EXD3: variants seen among roughly 807,000 people sequenced by gnomAD.
The protein encoded by EXD3 is exonuclease 3'-5' domain containing 3, also known as exonuclease mut-7 homolog.
In EXD3, 92 loss-of-function variants were observed where a neutral mutation model predicts 98.0. The observed-to-expected ratio is 0.94, with a 90% CI of 0.79 to 1.12. EXD3 has a LOEUF of 1.12. EXD3 is among the 50% of genes most tolerant of loss of function. The pLI is 0.00. For synonymous variants in EXD3, 569 were observed against 526.0 expected, an observed-to-expected ratio of 1.08 and a Z score of -1.12; for missense variants, 1,222 against 1,191.6, an observed-to-expected ratio of 1.03 and a Z score of -0.38.
At position 137,323,821 on chromosome 9, in the gene EXD3, C is replaced by T. The variant is rs781747646; in HGVS notation, c.2088G>A (p.Ser696=). The T allele has an allele frequency of 6.2e-6, 10 of 1,611,890 alleles. No homozygotes were observed. Among genetic ancestry groups the T allele is most frequent in the East Asian group, 2.2e-5 (1 of 44,886 alleles). ...GCTGGGCCTTCAGGGAGCAGTCGAC[C>T]GAGAGGCAGCGCCCAGCCCCGACCT... The part of the protein sequence containing the change: ...RAQVGAGRCL[S]VDCSLKAQQQ... The change falls in exon 19 of 22, where the codon TCG becomes TCA. Residue 696 remains serine, a synonymous_variant. Coordinates refer to ENST00000340951, the MANE Select transcript of EXD3 (RefSeq NM_017820.5).
intron 3 of EXD3, chr9:137,377,028 C>G (rs904509836): frequency 6.6e-6 from 1 of 151,952 alleles, no homozygotes; most frequent in Admixed American, 6.6e-5. Context: ...AAGCCAGCTA[C>G]GGAATAAAAA....
chr9:137,386,310 T>G (rs2131732076), intron 2 of EXD3, among the ~76,000 whole-genome samples: 2 of 152,160 alleles, frequency 1.3e-5, no homozygotes, highest in South Asian at 4.2e-4. Context: ...CATCCATCAA[T>G]AAGCAGGGTG....
rs1309095435 is a variant in EXD3, at chr9:137,368,282, G to T, written c.463-293C>A. Reference sequence around the variant, plus strand: ...CTGGCCACACAGCCTGGGTCCCAGGGCCTTGCTCGGGGATTGCTGATGAGC... The same window carrying T: ...CTGGCCACACAGCCTGGGTCCCAGGTCCTTGCTCGGGGATTGCTGATGAGC... On this transcript the variant is annotated intron_variant, in intron 5 of 21. Transcript: ENST00000340951. Among the ~76,000 whole-genome samples, 11 of 152,360 alleles carry T rather than the reference G, an allele frequency of 7.2e-5. No individual in the cohort carries two copies. In the East Asian group the frequency reaches 1.9e-3, roughly 27 times the overall value.
intron 7 of EXD3, chr9:137,366,194 GA>G (rs1246199321): frequency 4.7e-5 from 33 of 702,324 alleles, no homozygotes; most frequent in Non-Finnish European, 4.4e-5. Context: ...GGATGAACAA[GA>G]AAGCAGTACG....
intron 17 of EXD3, among the ~76,000 whole-genome samples, chr9:137,339,025 C>T (rs1255705668): frequency 3.3e-5 from 5 of 151,918 alleles, no homozygotes; most frequent in Admixed American, 2.0e-4. Context: ...GAGCGGACAC[C>T]GACAATCTAT....
intron 17 of EXD3, among the ~76,000 whole-genome samples, chr9:137,327,424 C>A (rs549168076): frequency 1.8e-4 from 27 of 152,224 alleles, no homozygotes; most frequent in African/African-American, 6.0e-4. Flanking sequence ...TGAGCCACCG[C>A]GCCCGGCCAG....
intron 1 of EXD3, among the ~76,000 whole-genome samples, chr9:137,421,913 G>A (rs1186867305): frequency 6.6e-6 from 1 of 152,068 alleles, no homozygotes; most frequent in Non-Finnish European, 1.5e-5. Flanking sequence ...CTCCCTAATG[G>A]AACAGGTTTG....
chr9:137,355,492 T>TGGAGGAAGGGAGGATGGAGGAA (rs1834622729), intron 8 of EXD3, among the ~76,000 whole-genome samples: 1 of 30,780 alleles, frequency 3.2e-5, no homozygotes, highest in Non-Finnish European at 6.7e-5. Flanking sequence ...GGAAGGAGGA[T>TGGAGGAAGGGAGGATGGAGGAA]GGAGGAAGGA....
In EXD3 at chr9:137,373,575, A is replaced by C; in HGVS notation, c.145T>G (p.Phe49Val). The C allele has an allele frequency of 3.1e-6, 5 of 1,601,610 alleles. No individual in the cohort carries two copies. Among genetic ancestry groups the C allele is most frequent in the Non-Finnish European group, 3.4e-6 (4 of 1,175,088 alleles). The part of the protein sequence containing the change: ...KQLREEAWRG[F>V]AALDDPLAGL... ...GCCAGGGGGTCGTCCAAGGCAGCAA[A>C]CCCCCGCCAGGCTTCCTCCCGGAGC... The change falls in exon 4 of 22, where the codon TTT (phenylalanine) becomes GTT (valine). Residue 49 changes from phenylalanine (F) to valine (V), a missense_variant. Transcript: ENST00000340951.
chr9:137,309,002 T>C (rs1210169606), intron 20 of EXD3, among the ~76,000 whole-genome samples: 1 of 152,098 alleles, frequency 6.6e-6, no homozygotes, highest in African/African-American at 2.4e-5. Context: ...AGCCCCCGAC[T>C]GAGGATGACC....
At chr9:137,337,265 T>C (rs1484780664) in intron 17 of EXD3, among the ~76,000 whole-genome samples, 1 of 152,176 alleles carries the variant, frequency 6.6e-6, no homozygotes, top group Non-Finnish European at 1.5e-5. Flanking sequence ...AGGCAAACAC[T>C]GACGTAACTG....
chr9:137,415,413 C>G (rs902940821), intron 1 of EXD3, among the ~76,000 whole-genome samples: 2 of 151,916 alleles, frequency 1.3e-5, no homozygotes, highest in Non-Finnish European at 2.9e-5. Flanking sequence ...AGGCTGGTCT[C>G]GAATTCCTGA....
intron 16 of EXD3, among the ~76,000 whole-genome samples, chr9:137,348,805 C>T (rs1268803390): frequency 5.5e-5 from 7 of 128,414 alleles, no homozygotes; most frequent in African/African-American, 9.1e-5. Context: ...GGGTGGGGAT[C>T]ACGGGGAGGG....
At position 137,352,942 on chromosome 9, in the gene EXD3, T is replaced by C. The variant is rs1051978176; in HGVS notation, c.871-156A>G. On this transcript the variant is annotated intron_variant, in intron 10 of 21. Transcript: ENST00000340951. Reference sequence around the variant, plus strand: ...CACCTGAGGCCTGCAGCATCTGTCCTGCCTGAGGTCAAGGTTCCACAGGAC... The same window carrying C: ...CACCTGAGGCCTGCAGCATCTGTCCCGCCTGAGGTCAAGGTTCCACAGGAC... The C allele has an allele frequency of 8.4e-6, 12 of 1,421,732 alleles. No homozygotes were observed. In the African/African-American group the frequency reaches 1.6e-4, roughly 19 times the overall value. 88.1% of individuals were successfully genotyped at this position (1,421,732 alleles called of 1,614,324 possible). A position where few individuals can be genotyped will look rare whatever the true frequency, so the allele number is the denominator to read the frequency against.
intron 1 of EXD3, among the ~76,000 whole-genome samples, chr9:137,399,275 C>G (rs992594793): frequency 2.6e-5 from 4 of 152,246 alleles, no homozygotes; most frequent in African/African-American, 9.6e-5. Flanking sequence ...CGGATCCCAG[C>G]AGGACGGACA....
At chr9:137,351,623 C>T in intron 12 of EXD3, 95 bp from the exon 13 acceptor site, 1 of 1,214,846 alleles carries the variant, frequency 8.2e-7, no homozygotes, top group Non-Finnish European at 1.2e-6. Context: ...TGAGCTTGGG[C>T]TTCGGGGAGA....
intron 3 of EXD3, chr9:137,377,031 A>C (rs565591260): frequency 6.6e-6 from 1 of 152,032 alleles, no homozygotes; most frequent in Admixed American, 6.6e-5. Context: ...CCAGCTACGG[A>C]ATAAAAAGTC....
Position 137,354,394 on chromosome 9 carries a change from G to C in EXD3, c.832-17C>G, listed in dbSNP as rs115029477. 5.5e-3 allele frequency: 8,900 copies of C among 1,612,290 alleles called. 140 individuals are homozygous for C. Among genetic ancestry groups the C allele is most frequent in the African/African-American group, 0.051 (3,792 of 75,042 alleles). On this transcript the variant is annotated splice_polypyrimidine_tract_variant and intron_variant, in intron 9 of 21. Transcript: ENST00000340951. ...CAGGCTCTTCTGCAAAGGCAAACAG[G>C]AAGGGGCGGTTGCCAGGCAGCTCCA...
chr9:137,366,733 G>A, intron 6 of EXD3, 101 bp from the exon 7 acceptor site: 2 of 1,427,756 alleles, frequency 1.4e-6, no homozygotes, highest in South Asian at 1.4e-5. Context: ...AGAACGAAAG[G>A]GGCCCAGAGG....
Sources: allele counts gnomAD v4.1 joint callset (sites outside exome capture counted in the v4.1 genomes callset), GRCh38; gene constraint gnomAD v4.1.1; transcripts MANE v1.5; gene names NCBI Gene and HGNC (gene_info 2026-07-23, HGNC 2026-07-21).